Variants in XIRP2 observed in about 807,000 individuals in gnomAD.
XIRP2 encodes the protein xin actin-binding repeat-containing protein 2.
Under a neutral mutation model 277.0 loss-of-function variants are expected in XIRP2, and 236 were observed. That is an observed-to-expected ratio of 0.85 (90% CI 0.77 to 0.95). XIRP2 has a LOEUF of 0.95. Ranked by LOEUF, XIRP2 falls within the 40% of genes least tolerant of loss-of-function variation. The probability of loss-of-function intolerance (pLI) is 0.00; values close to 1 mark genes in which losing one functional copy is unlikely to be tolerated. For missense variants in XIRP2, 4,640 were observed against 4,157.5 expected, an observed-to-expected ratio of 1.12 and a Z score of -3.19; for synonymous variants, 1,490 against 1,416.5, an observed-to-expected ratio of 1.05 and a Z score of -1.17.
intron 3 of XIRP2, among the ~76,000 whole-genome samples, chr2:167,170,894 C>CTTTTTTTT (rs773187641): frequency 4.7e-3 from 432 of 92,582 alleles, no homozygotes; most frequent in Non-Finnish European, 5.9e-3. Context: ...TGCCTTTCTT[C>CTTTTTTTT]TTTTTTTTTT....
chr2:167,224,070 T>C (rs541033108), intron 5 of XIRP2, among the ~76,000 whole-genome samples: 1 of 152,246 alleles, frequency 6.6e-6, no homozygotes, highest in East Asian at 1.9e-4. Flanking sequence ...CTTCTTGCTA[T>C]GTCATAATGT....
intron 2 of XIRP2, among the ~76,000 whole-genome samples, chr2:166,996,256 C>T (rs1035840939): frequency 6.6e-5 from 10 of 152,108 alleles, no homozygotes; most frequent in Admixed American, 2.6e-4. Flanking sequence ...TTTGGTGAAA[C>T]GTAAAACAAG....
intron 2 of XIRP2, among the ~76,000 whole-genome samples, chr2:167,078,706 G>A (rs530560274): frequency 1.3e-5 from 2 of 152,076 alleles, no homozygotes; most frequent in East Asian, 1.9e-4. Context: ...GCATGGTGGC[G>A]GGCGCCTGCA....
intron 2 of XIRP2, among the ~76,000 whole-genome samples, chr2:167,050,013 T>A (rs1462628583): frequency 1.3e-5 from 2 of 152,078 alleles, no homozygotes. Context: ...GAATGCTCAC[T>A]GAGTTGCCAT....
intron 3 of XIRP2, among the ~76,000 whole-genome samples, chr2:167,177,176 C>G (rs1235696485): frequency 2.6e-5 from 4 of 152,168 alleles, no homozygotes; most frequent in African/African-American, 9.7e-5. Flanking sequence ...TTATCTACAT[C>G]TATGGTAGCT....
chr2:167,255,259 A>C (rs1695625049), intron 10 of XIRP2, among the ~76,000 whole-genome samples: 1 of 151,882 alleles, frequency 6.6e-6, no homozygotes, highest in Non-Finnish European at 1.5e-5. Context: ...TCTGTGCATC[A>C]GATGCTTATA....
rs1415855483 is a variant in XIRP2, at chr2:167,047,865, A to G, written c.409-88044A>G. ...GAGGGGTGTATATGTATAAACTTAA[A>G]AATTCATCATGATTAAAAGCACTCT... On this transcript the variant is annotated intron_variant, in intron 2 of 10. Coordinates refer to ENST00000409195, the MANE Select transcript of XIRP2 (RefSeq NM_152381.6). Among the ~76,000 whole-genome samples the G allele has an allele frequency of 6.6e-5, 10 of 152,120 alleles. No individual in the cohort carries two copies. The East Asian group carries it at 1.9e-3, about 29-fold the overall frequency.
At chr2:167,010,324 G>A (rs1687633840) in intron 2 of XIRP2, among the ~76,000 whole-genome samples, 1 of 151,270 alleles carries the variant, frequency 6.6e-6, no homozygotes, top group African/African-American at 2.4e-5. Context: ...TATTAAATAG[G>A]GAATCCTTTC....
chr2:166,956,718 T>C (rs1250746738), intron 2 of XIRP2, among the ~76,000 whole-genome samples: 6 of 151,768 alleles, frequency 4.0e-5, no homozygotes, highest in Non-Finnish European at 8.8e-5. Flanking sequence ...TGGCTGGTCC[T>C]TGAGAGACTA....
intron 2 of XIRP2, among the ~76,000 whole-genome samples, chr2:167,122,355 T>C (rs1691080175): frequency 6.6e-6 from 1 of 152,188 alleles, no homozygotes. Flanking sequence ...CAGTACAAGA[T>C]TTTTCACCCA....
chr2:167,203,137 A>C (rs188480024), intron 3 of XIRP2, among the ~76,000 whole-genome samples: 2 of 152,288 alleles, frequency 1.3e-5, no homozygotes, highest in East Asian at 3.9e-4. Context: ...TTATATCTGC[A>C]AAATCCCTTT....
chr2:167,185,400 A>G (rs371496468), intron 3 of XIRP2, among the ~76,000 whole-genome samples: 3 of 152,120 alleles, frequency 2.0e-5, no homozygotes, highest in Non-Finnish European at 2.9e-5. Context: ...TGAAAAAATA[A>G]TATTTAATGT....
intron 9 of XIRP2, among the ~76,000 whole-genome samples, chr2:167,252,336 G>C (rs1695535986): frequency 6.6e-6 from 1 of 151,908 alleles, no homozygotes; most frequent in African/African-American, 2.4e-5. Flanking sequence ...AGGTTTAAAT[G>C]ATATTTGCAT....
At chr2:167,065,216 C>A (rs1689271898) in intron 2 of XIRP2, among the ~76,000 whole-genome samples, 2 of 151,786 alleles carry the variant, frequency 1.3e-5, no homozygotes, top group South Asian at 2.1e-4. Context: ...GAGGTACTAT[C>A]TAATTGTGTT....
intron 3 of XIRP2, among the ~76,000 whole-genome samples, chr2:167,185,009 T>C (rs1693116852): frequency 6.6e-6 from 1 of 152,188 alleles, no homozygotes; most frequent in South Asian, 2.1e-4. Flanking sequence ...GTCATTCATC[T>C]GTCTTGCTTT....
At chr2:167,242,467 T>C in intron 8 of XIRP2, 102 bp from the exon 9 acceptor site, 2 of 1,194,024 alleles carry the variant, frequency 1.7e-6, no homozygotes, top group Non-Finnish European at 2.4e-6. Flanking sequence ...CCAATGGAGA[T>C]ATCATAGGAG....
chr2:167,023,366 G>C (rs1337448583), intron 2 of XIRP2, among the ~76,000 whole-genome samples: 2 of 152,020 alleles, frequency 1.3e-5, no homozygotes, highest in African/African-American at 4.8e-5. Flanking sequence ...CCCTTTGTCA[G>C]ATGAGTAGGT....
At chr2:167,022,184 A>G (rs1688002282) in intron 2 of XIRP2, among the ~76,000 whole-genome samples, 2 of 152,108 alleles carry the variant, frequency 1.3e-5, no homozygotes, top group Non-Finnish European at 1.5e-5. Context: ...TACAAACTAT[A>G]CATTGTAATG....
intron 2 of XIRP2, among the ~76,000 whole-genome samples, chr2:166,958,263 G>A (rs1029257374): frequency 6.6e-6 from 1 of 151,884 alleles, no homozygotes; most frequent in Middle Eastern, 3.2e-3. Flanking sequence ...GGAAAATAGA[G>A]TAAATTAGAT....
Sources: gnomAD v4.1 joint callset for allele counts (sites outside exome capture counted in the v4.1 genomes callset) on GRCh38, gnomAD v4.1.1 for gene constraint, MANE v1.5 for transcripts, NCBI Gene and HGNC (gene_info 2026-07-23, HGNC 2026-07-21) for gene names.